CDH2: variants seen among roughly 807,000 people sequenced by gnomAD.
CDH2 encodes the protein cadherin-2.
Under a neutral mutation model 92.0 loss-of-function variants are expected in CDH2, and 17 were observed. The ratio of observed to expected loss-of-function variants is 0.18; its 90% CI spans 0.13 to 0.28. CDH2 has a LOEUF of 0.28. CDH2 is among the 10% of genes least tolerant of loss of function. The probability of loss-of-function intolerance (pLI) is 1.00; values close to 1 mark genes in which losing one functional copy is unlikely to be tolerated. For synonymous variants in CDH2, 419 were observed against 415.9 expected (o/e 1.01, Z -0.09); for missense variants, 862 against 1,133.1 (o/e 0.76, Z 3.44).
chr18:27,973,092 A>C (rs1486318881), intron 14 of CDH2, among the ~76,000 whole-genome samples: 1 of 152,114 alleles, frequency 6.6e-6, no homozygotes, highest in Non-Finnish European at 1.5e-5. Flanking sequence ...TAAAAGCCAA[A>C]CCCCAGGTCA....
At chr18:28,038,126 T>TA (rs1555635436) in intron 2 of CDH2, among the ~76,000 whole-genome samples, 1 of 152,006 alleles carries the variant, frequency 6.6e-6, no homozygotes, top group African/African-American at 2.4e-5. Context: ...AATTTAGCAT[T>TA]AAAAATATAT....
At chr18:27,972,088 G>T (rs1171790173) in intron 14 of CDH2, among the ~76,000 whole-genome samples, 2 of 151,784 alleles carry the variant, frequency 1.3e-5, no homozygotes, top group African/African-American at 4.8e-5. Context: ...TGGCTTTCTT[G>T]TACCTGTGCC....
chr18:27,943,756 G>C (rs998369827), intron 6 of CDH2, among the ~76,000 whole-genome samples: 8 of 152,094 alleles, frequency 5.3e-5, no homozygotes, highest in African/African-American at 1.9e-4. Flanking sequence ...CATAGTTTTG[G>C]TTCAACGCAG....
intron 2 of CDH2, among the ~76,000 whole-genome samples, chr18:28,146,030 T>TC (rs2016029592): frequency 6.6e-6 from 1 of 152,118 alleles, no homozygotes; most frequent in South Asian, 2.1e-4. Flanking sequence ...AAAAGCTATG[T>TC]CCAATTTCTC....
At chr18:27,985,462 A>ACTTTTCATG in intron 12 of CDH2, 66 bp downstream of exon 12, 1 of 1,084,306 alleles carries the variant, frequency 9.2e-7, no homozygotes, top group East Asian at 2.4e-5. Context: ...CATAAAATTA[A>ACTTTTCATG]CTTTTCATGC....
rs1568029001 is a variant in CDH2, at chr18:28,177,084, A to AGGAGGAGGCGGCGGCGGC, written c.-63_-62insGCCGCCGCCGCCTCCTCC. The AGGAGGAGGCGGCGGCGGC allele has an allele frequency of 1.0e-6, 1 of 1,000,994 alleles. No homozygotes were observed. Among genetic ancestry groups the AGGAGGAGGCGGCGGCGGC allele is most frequent in the Non-Finnish European group, 1.4e-6 (1 of 721,228 alleles). The allele number at this position is 1,000,994 out of a possible 1,614,324, so 62.0% of individuals were successfully genotyped here. A position where few individuals can be genotyped will look rare whatever the true frequency, so the allele number is the denominator to read the frequency against. On this transcript the variant is annotated 5_prime_UTR_variant, in exon 1 of 16. Coordinates refer to ENST00000269141, the MANE Select transcript of CDH2 (RefSeq NM_001792.5). ...GCGGCGGCGGCGGCGGCGGCGGCGG[A>AGGAGGAGGCGGCGGCGGC]GGAGGAGGAGGCAGCGGCAGCACCA...
chr18:27,955,665 G>A (rs1190254297), intron 15 of CDH2, among the ~76,000 whole-genome samples: 1 of 151,100 alleles, frequency 6.6e-6, no homozygotes, highest in Admixed American at 6.6e-5. Context: ...ATCCACTATT[G>A]AGAGTCTAAA....
At chr18:28,151,526 T>C (rs533591679) in intron 1 of CDH2, among the ~76,000 whole-genome samples, 1 of 152,302 alleles carries the variant, frequency 6.6e-6, no homozygotes, top group African/African-American at 2.4e-5. Flanking sequence ...AAAAGAGGTA[T>C]CTACCTACCC....
chr18:27,940,230 A>G (rs1488684395), intron 6 of CDH2, among the ~76,000 whole-genome samples: 1 of 152,196 alleles, frequency 6.6e-6, no homozygotes, highest in African/African-American at 2.4e-5. Flanking sequence ...GTGTTCCTCC[A>G]TATGGTTACC....
At chr18:27,982,887 AC>A (rs1335312399) in intron 14 of CDH2, 56 bp downstream of exon 14, 1 of 1,200,406 alleles carries the variant, frequency 8.3e-7, no homozygotes, top group African/African-American at 1.5e-5. Flanking sequence ...AACACTTCCC[AC>A]TATTAAATTT....
rs146511174 is a variant in CDH2 at position 27,943,551 on chromosome 18, G to C, written c.1152-10427C>G. Among the ~76,000 whole-genome samples, 527 of 152,296 alleles carry C rather than the reference G, an allele frequency of 3.5e-3. 4 individuals are homozygous for C. The highest frequency in any genetic ancestry group is 0.011 in the African/African-American group (456 of 41,544). On this transcript the variant is annotated intron_variant, in intron 6 of 6. Coordinates refer to the CDH2 transcript ENST00000675173. ...CGCTATTAACTGTATGCAGCTTCTTGATCTTAGAATTGTTAAAATGTGGGA... is the reference window on the plus strand; with the variant it reads ...CGCTATTAACTGTATGCAGCTTCTTCATCTTAGAATTGTTAAAATGTGGGA...
At chr18:28,128,924 G>A (rs905589609) in intron 2 of CDH2, among the ~76,000 whole-genome samples, 1 of 152,118 alleles carries the variant, frequency 6.6e-6, no homozygotes, top group Non-Finnish European at 1.5e-5. Flanking sequence ...ACAAACCAAA[G>A]GCCTATTTGA....
chr18:28,144,523 G>C (rs537600954), intron 2 of CDH2, among the ~76,000 whole-genome samples: 9 of 152,016 alleles, frequency 5.9e-5, no homozygotes, highest in Non-Finnish European at 1.2e-4. Context: ...CATTCCCTTT[G>C]ACCTAGTAAT....
chr18:28,108,500 C>G lies in CDH2; in HGVS notation c.172+39173G>C, dbSNP rs148925437. On this transcript the variant is annotated intron_variant, in intron 2 of 15. Transcript: ENST00000269141. ...TGGCCAAGTCTAACTCACCCTGACACACTGGGGCTCAGCTTTTAATCAAGC... is the reference window on the plus strand; with the variant it reads ...TGGCCAAGTCTAACTCACCCTGACAGACTGGGGCTCAGCTTTTAATCAAGC... 4.0e-3 allele frequency among the ~76,000 whole-genome samples: 608 copies of G among 152,268 alleles called. 7 individuals are homozygous for G. Among genetic ancestry groups the G allele is most frequent in the African/African-American group, 0.014 (589 of 41,558 alleles).
chr18:28,142,564 AAAAC>A (rs559582287), intron 2 of CDH2, among the ~76,000 whole-genome samples: 15 of 148,484 alleles, frequency 1.0e-4, no homozygotes, highest in Non-Finnish European at 2.1e-4. Flanking sequence ...TTATTTTTTA[AAAAC>A]AAACAAAAAA....
At chr18:28,002,884 C>T (rs2012808971) in intron 7 of CDH2, 113 bp downstream of exon 7, 2 of 970,842 alleles carry the variant, frequency 2.1e-6, no homozygotes, top group South Asian at 1.6e-5. Flanking sequence ...AAACGATTAG[C>T]ATTTGAATAA....
intron 2 of CDH2, chr18:28,036,383 T>A (rs773324800): frequency 3.1e-4 from 238 of 760,118 alleles, no homozygotes; most frequent in Non-Finnish European, 4.8e-4. Flanking sequence ...ATGTACTTTG[T>A]ACATAAGTCT....
chr18:28,112,282 C>T (rs1035341914), intron 2 of CDH2, among the ~76,000 whole-genome samples: 2 of 152,218 alleles, frequency 1.3e-5, no homozygotes, highest in African/African-American at 4.8e-5. Context: ...GGCAAATTCA[C>T]TGAACCAAAA....
intron 2 of CDH2, among the ~76,000 whole-genome samples, chr18:28,041,403 G>A (rs1443139331): frequency 6.6e-6 from 1 of 151,976 alleles, no homozygotes; most frequent in African/African-American, 2.4e-5. Flanking sequence ...AATCACATAC[G>A]GCATTTTATA....
Sources: gnomAD v4.1 joint callset for allele counts (sites outside exome capture counted in the v4.1 genomes callset) on GRCh38, gnomAD v4.1.1 for gene constraint, MANE v1.5 for transcripts, NCBI Gene and HGNC (gene_info 2026-07-23, HGNC 2026-07-21) for gene names.